NEIL1: variants seen among roughly 807,000 people sequenced by gnomAD.
NEIL1 encodes nei like DNA glycosylase 1.
NEIL1 carries 31 observed loss-of-function variants against 44.2 expected under a neutral mutation model. The observed-to-expected ratio is 0.70, with a 90% confidence interval of 0.53 to 0.95. NEIL1 has a LOEUF of 0.95. NEIL1 is among the 40% of genes least tolerant of loss of function. NEIL1 has a pLI of 0.00. For missense variants in NEIL1, 549 were observed against 515.5 expected (o/e 1.07, Z -0.63); for synonymous variants, 254 against 209.7 (o/e 1.21, Z -1.83).
At chr15:75,353,070 G>A in intron 5 of NEIL1, 1 of 214,188 alleles carries the variant, frequency 4.7e-6, no homozygotes, top group Non-Finnish European at 9.5e-6. Flanking sequence ...AAACCCAGGA[G>A]GTGGAGGTTG....
intron 1 of NEIL1, chr15:75,348,445 GAC>G: frequency 9.8e-7 from 1 of 1,020,142 alleles, no homozygotes; most frequent in Non-Finnish European, 1.2e-6. Context: ...TGGAGAAAGA[GAC>G]AGCGTGTGCG....
intron 6 of NEIL1, 55 bp downstream of exon 6, chr15:75,353,921 C>T (rs928218686): frequency 1.9e-6 from 3 of 1,603,994 alleles, no homozygotes; most frequent in East Asian, 2.2e-5. Flanking sequence ...TGGGTGGAAA[C>T]GTGGGGTCAC....
chr15:75,348,756 C>G, intron 1 of NEIL1, 128 bp from the exon 2 acceptor site: 4 of 1,456,636 alleles, frequency 2.7e-6, no homozygotes, highest in Non-Finnish European at 2.7e-6. Context: ...CAGGCCCGCA[C>G]TTTCCTGCCA....
intron 5 of NEIL1, 96 bp downstream of exon 5, chr15:75,352,797 G>A (rs2072023356): frequency 1.8e-5 from 18 of 998,206 alleles, no homozygotes; most frequent in Non-Finnish European, 2.5e-5. Context: ...CGATTTGGAA[G>A]TTTGTAGCCC....
chr15:75,348,399 C>T, intron 1 of NEIL1: 1 of 989,224 alleles, frequency 1.0e-6, no homozygotes, highest in Non-Finnish European at 1.2e-6. Context: ...GGGGCGGCCA[C>T]GCGATCCTAA....
chr15:75,354,122 G>A, intron 6 of NEIL1, 128 bp from the exon 7 acceptor site: 2 of 1,161,834 alleles, frequency 1.7e-6, no homozygotes, highest in Non-Finnish European at 2.5e-6. Flanking sequence ...CATGGGGGAT[G>A]TCCTAGAGGC....
At chr15:75,350,823 C>T (rs1439177532) in intron 2 of NEIL1, among the ~76,000 whole-genome samples, 2 of 152,140 alleles carry the variant, frequency 1.3e-5, no homozygotes, top group Non-Finnish European at 2.9e-5. Flanking sequence ...TTTTCTTAGT[C>T]CCCCAGCTGG....
In NEIL1 at chr15:75,356,319, T is replaced by TTGG; in HGVS notation, c.*1285_*1286insTGG. The TTGG allele has an allele frequency of 6.2e-7, 1 of 1,611,122 alleles. No individual in the cohort carries two copies. The stretch of plus-strand genomic sequence containing the variant: ...CCCTTGCCTGCTTGACGGTCTCCAA[T>TTGG]ACGACCGCGGGTGAAGACACGGAAA... On this transcript the variant is annotated 3_prime_UTR_variant, in exon 10 of 10. Coordinates refer to ENST00000355059, the MANE Select transcript of NEIL1 (RefSeq NM_024608.4). This position sits in a 1 kb window ranked among gnomAD's most constrained non-coding sequence, Gnocchi z 5.8.
intron 5 of NEIL1, 100 bp downstream of exon 5, chr15:75,352,801 G>A: frequency 1.0e-6 from 1 of 974,954 alleles, no homozygotes; most frequent in East Asian, 2.6e-5. Context: ...TTGGAAGTTT[G>A]TAGCCCTAGC....
chr15:75,350,824 C>T (rs2071828241), intron 2 of NEIL1, among the ~76,000 whole-genome samples: 1 of 152,132 alleles, frequency 6.6e-6, no homozygotes. Context: ...TTTCTTAGTC[C>T]CCCAGCTGGG....
At chr15:75,347,771 G>T in intron 1 of NEIL1, 2 of 1,104,598 alleles carry the variant, frequency 1.8e-6, no homozygotes, top group Non-Finnish European at 2.3e-6. Context: ...ATTAACCGAG[G>T]ACAGGGTCGC....
chr15:75,348,533 G>A, intron 1 of NEIL1: 1 of 1,149,936 alleles, frequency 8.7e-7, no homozygotes, highest in South Asian at 2.4e-5. Flanking sequence ...CAGGGGCCAA[G>A]GCGGAGATGA....
chr15:75,355,013 A>T lies in NEIL1; in HGVS notation c.1152A>T (p.Pro384=). The T allele has an allele frequency of 6.2e-7, 1 of 1,614,010 alleles. No homozygotes were observed. Among genetic ancestry groups the T allele is most frequent in the Non-Finnish European group, 8.5e-7 (1 of 1,179,946 alleles). The stretch of plus-strand genomic sequence containing the variant: ...AGGCTGACATCCCATCCTTGGAACC[A>T]GAGGGGACCTCAGCCTCTTAGCAGG... ...KVKADIPSLE[P]EGTSAS is the part of the protein sequence containing the mutation. The change falls in exon 10 of 10, where the codon CCA becomes CCT. Residue 384 remains proline, a synonymous_variant. Coordinates refer to ENST00000355059, the MANE Select transcript of NEIL1 (RefSeq NM_024608.4).
rs2072296074 is a variant in NEIL1, at chr15:75,356,316, CAA to C, written c.*1283_*1284del. ...CACCCCTTGCCTGCTTGACGGTCTC[CAA>C]TACGACCGCGGGTGAAGACACGGAA... is the stretch of plus-strand genomic sequence containing the variant. On this transcript the variant is annotated 3_prime_UTR_variant, in exon 10 of 10. Coordinates refer to ENST00000355059, the MANE Select transcript of NEIL1 (RefSeq NM_024608.4). The surrounding 1 kb of genome is among the most constrained non-coding windows in gnomAD (Gnocchi z 5.8). 3 of 1,611,810 alleles carry C rather than the reference CAA, an allele frequency of 1.9e-6. No individual in the cohort carries two copies. The highest frequency in any genetic ancestry group is 2.5e-6 in the Non-Finnish European group (3 of 1,179,366).
At chr15:75,352,828 A>ATAGTC (rs1192174555) in intron 5 of NEIL1, 127 bp downstream of exon 5, 1 of 739,628 alleles carries the variant, frequency 1.4e-6, no homozygotes, top group Non-Finnish European at 2.3e-6. Flanking sequence ...TCAATGGACT[A>ATAGTC]GGCCTCCTCA....
intron 6 of NEIL1, 89 bp downstream of exon 6, chr15:75,353,955 G>A: frequency 6.5e-7 from 1 of 1,545,934 alleles, no homozygotes; most frequent in Non-Finnish European, 8.8e-7. Context: ...GTGATGCTCA[G>A]GGTCTGTCTA....
In NEIL1 at chr15:75,352,705, A is replaced by G; in HGVS notation, c.718+4A>G. On this transcript the variant is annotated splice_donor_region_variant and intron_variant, in intron 5 of 9. Transcript: ENST00000355059. ...CCCAAGGAAGTGGTCCAGTTGGGTG[A>G]GGCCAAAGATGGCAGCAACCTCTGC... 1 of 1,607,416 alleles carries G rather than the reference A, an allele frequency of 6.2e-7. No individual in the cohort carries two copies. The highest frequency in any genetic ancestry group is 1.3e-5 in the African/African-American group (1 of 74,820).
At position 75,349,536 on chromosome 15, in the gene NEIL1, C is replaced by A. The variant is rs1242032652; in HGVS notation, c.434+197C>A. The A allele has an allele frequency of 8.3e-6, 5 of 600,112 alleles. No individual in the cohort carries two copies. The Admixed American group carries it at 1.5e-4, about 18-fold the overall frequency. 37.2% of individuals were successfully genotyped at this position (600,112 alleles called of 1,614,324 possible). A position where few individuals can be genotyped will look rare whatever the true frequency, so the allele number is the denominator to read the frequency against. ...TGGAAACTCAAAACTAATTGGGGGC[C>A]GGGTGTGGTGGCTCAAGTCTGTAAA... On this transcript the variant is annotated intron_variant, in intron 2 of 9. Coordinates refer to ENST00000355059, the MANE Select transcript of NEIL1 (RefSeq NM_024608.4).
intron 5 of NEIL1, chr15:75,353,249 A>G (rs2072073543): frequency 4.0e-6 from 1 of 250,760 alleles, no homozygotes; most frequent in African/African-American, 2.2e-5. Flanking sequence ...ACACACACAC[A>G]CGCACGTTTA....
Sources: gnomAD v4.1 joint callset for allele counts (sites outside exome capture counted in the v4.1 genomes callset) on GRCh38, gnomAD v4.1.1 for gene constraint, Gnocchi (gnomAD v3.1) non-coding constraint, MANE v1.5 for transcripts, NCBI Gene and HGNC (gene_info 2026-07-23, HGNC 2026-07-21) for gene names.